The following ZC3H12C variants were observed in gnomAD, a reference collection of about 807,000 sequenced individuals.
ZC3H12C encodes the protein zinc finger CCCH-type containing 12C.
Under a neutral mutation model 76.3 loss-of-function variants are expected in ZC3H12C, and 20 were observed. The ratio of observed to expected loss-of-function variants is 0.26; its 90% CI spans 0.18 to 0.38. The LOEUF (loss-of-function observed/expected upper bound fraction) is 0.38, where lower values mean the gene tolerates loss of function less well. ZC3H12C is among the 10% of genes least tolerant of loss of function. ZC3H12C has a pLI of 1.00. For synonymous variants in ZC3H12C, 352 were observed against 399.6 expected (o/e 0.88, Z 1.42); for missense variants, 874 against 1,086.5 (o/e 0.80, Z 2.75).
chr11:110,114,120 G>T (rs142718279), intron 1 of ZC3H12C, among the ~76,000 whole-genome samples: 3 of 152,242 alleles, frequency 2.0e-5, no homozygotes, highest in African/African-American at 7.2e-5. Context: ...CGCTTCTCCG[G>T]GAGTATTCAT....
chr11:110,146,721 T>G (rs1418595758), intron 2 of ZC3H12C, among the ~76,000 whole-genome samples: 1 of 152,380 alleles, frequency 6.6e-6, no homozygotes, highest in Non-Finnish European at 1.5e-5. Context: ...CACTGCAGTC[T>G]TAAGTTTCTT....
In ZC3H12C at chr11:110,114,166, C is replaced by T. The variant is rs982495058; in HGVS notation, c.21+20734C>T. The stretch of plus-strand genomic sequence containing the variant: ...TCTGTATGTTGTATCATCTCTCACG[C>T]CTCTGGACCTTTGATCCTGTTGTTC... On this transcript the variant is annotated intron_variant, in intron 1 of 5. Coordinates refer to ENST00000278590, the MANE Select transcript of ZC3H12C (RefSeq NM_033390.2). Among the ~76,000 whole-genome samples the T allele has an allele frequency of 2.0e-5, 3 of 152,288 alleles. No individual in the cohort carries two copies. In the East Asian group the frequency reaches 5.8e-4, roughly 29 times the overall value.
chr11:110,119,348 C>T (rs999419221), intron 1 of ZC3H12C, among the ~76,000 whole-genome samples: 60 of 152,054 alleles, frequency 3.9e-4, no homozygotes, highest in African/African-American at 1.3e-3. Flanking sequence ...AACAGCATCA[C>T]CTATGAAATT....
At chr11:110,124,520 T>A (rs977516922) in intron 1 of ZC3H12C, among the ~76,000 whole-genome samples, 11 of 152,200 alleles carry the variant, frequency 7.2e-5, no homozygotes, top group African/African-American at 2.7e-4. Context: ...TACACACTAT[T>A]CATGTTACAG....
At position 110,168,001 on chromosome 11, in the gene ZC3H12C, A is replaced by G. The variant is rs1862611351; in HGVS notation, c.*2264A>G. 1.3e-5 allele frequency: 2 copies of G among 152,174 alleles called. No homozygotes were observed. The highest frequency in any genetic ancestry group is 4.1e-4 in the South Asian group (2 of 4,834). The allele number at this position is 152,174 out of a possible 1,614,324, so 9.4% of individuals were successfully genotyped here. ...TTCTAAGACTTCTTTTTAGTATGAA[A>G]TCACTTTTAAATTATACATGTAGGT... On this transcript the variant is annotated 3_prime_UTR_variant, in exon 6 of 6. Coordinates refer to ENST00000278590, the MANE Select transcript of ZC3H12C (RefSeq NM_033390.2).
At chr11:110,161,993 G>T (rs1862489743) in intron 4 of ZC3H12C, among the ~76,000 whole-genome samples, 1 of 152,172 alleles carries the variant, frequency 6.6e-6, no homozygotes, top group Non-Finnish European at 1.5e-5. Context: ...AATTAGCTGG[G>T]CATAGTGGTG....
intron 2 of ZC3H12C, among the ~76,000 whole-genome samples, chr11:110,144,595 C>G (rs570203924): frequency 6.6e-6 from 1 of 152,180 alleles, no homozygotes; most frequent in East Asian, 1.9e-4. Flanking sequence ...GTGAAAAAGA[C>G]TTTTTAAGAA....
At chr11:110,117,973 ATATATAT>A (rs1861578765) in intron 1 of ZC3H12C, among the ~76,000 whole-genome samples, 1 of 57,202 alleles carries the variant, frequency 1.7e-5, no homozygotes, top group South Asian at 4.7e-4. Context: ...ATACACACAC[ATATATAT>A]TATATATATA....
rs1345126081 is a variant in ZC3H12C at position 110,165,737 on chromosome 11, A to G, written c.2652A>G (p.Ter884TrpextTer9). The G allele has an allele frequency of 6.4e-7, 1 of 1,571,990 alleles. No homozygotes were observed. The highest frequency in any genetic ancestry group is 8.6e-7 in the Non-Finnish European group (1 of 1,157,598). Residue 884 changes from the stop codon to tryptophan, a stop_lost, in exon 6 of 6, where the codon TGA (stop) becomes TGG (tryptophan). Coordinates refer to ENST00000278590, the MANE Select transcript of ZC3H12C (RefSeq NM_033390.2). ...TGGAGAAATCCCAGCTGGGTTATTG[A>G]AAGATGATGCATCTTTGTGGTGTTT... Reference protein sequence around the residue: ...ILVEKSQLGY* With the variant: ...ILVEKSQLGYW
At chr11:110,138,873 G>C (rs1862019246) in intron 2 of ZC3H12C, among the ~76,000 whole-genome samples, 1 of 152,026 alleles carries the variant, frequency 6.6e-6, no homozygotes, top group South Asian at 2.1e-4. Context: ...TTATTCTTTT[G>C]ATTTTAAGTC....
chr11:110,104,153 C>T (rs541252637), intron 1 of ZC3H12C, among the ~76,000 whole-genome samples: 50 of 152,096 alleles, frequency 3.3e-4, no homozygotes, highest in African/African-American at 1.2e-3. Flanking sequence ...GCACAATTTT[C>T]GTGCCTCAAC....
intron 4 of ZC3H12C, among the ~76,000 whole-genome samples, chr11:110,162,856 C>T (rs1862504832): frequency 6.6e-6 from 1 of 152,132 alleles, no homozygotes; most frequent in Non-Finnish European, 1.5e-5. Context: ...TCGTACCTTC[C>T]CATTGTGTTC....
chr11:110,165,020 C>G lies in ZC3H12C; in HGVS notation c.1935C>G (p.Asp645Glu). 1.2e-6 allele frequency: 2 copies of G among 1,613,964 alleles called. No homozygotes were observed. The highest frequency in any genetic ancestry group is 1.7e-6 in the Non-Finnish European group (2 of 1,179,884). Residue 645 changes from aspartate (D) to glutamate (E), a missense_variant, in exon 6 of 6, where the codon GAC becomes GAG. Asp to Glu is a conservative substitution (Grantham distance 45). Transcript: ENST00000278590. ...GTGACTCCTACGTGGGTTACAATGA[C>G]CGGTCCTATGTCAGCTCCCCCGACC... ...GSSDSYVGYNDRSYVSSPDPQ... is the reference protein window; with the variant it reads ...GSSDSYVGYNERSYVSSPDPQ...
intron 1 of ZC3H12C, among the ~76,000 whole-genome samples, chr11:110,133,152 G>A (rs1338480899): frequency 1.3e-5 from 2 of 152,004 alleles, no homozygotes; most frequent in Non-Finnish European, 2.9e-5. Flanking sequence ...TTGTTTTTAG[G>A]TGCCCTATTA....
chr11:110,164,510 G>A lies in ZC3H12C; in HGVS notation c.1425G>A (p.Lys475=), dbSNP rs1207934889. The change falls in exon 6 of 6, where the codon AAG becomes AAA. Residue 475 remains lysine, a synonymous_variant. Transcript: ENST00000278590. The surrounding 1 kb of genome is among the most constrained non-coding windows in gnomAD (Gnocchi z 5.7). ...VKSNSVPCST[K]ADSTSDVKRG... is the part of the protein sequence containing the mutation. ...GCAACAGTGTTCCTTGTAGCACCAA[G>A]GCTGATAGCACTTCTGATGTCAAAC... 6.2e-7 allele frequency: 1 copy of A among 1,613,982 alleles called. No homozygotes were observed. The highest frequency in any genetic ancestry group is 1.7e-5 in the Admixed American group (1 of 60,026).
intron 2 of ZC3H12C, among the ~76,000 whole-genome samples, chr11:110,145,322 CA>C (rs780072976): frequency 8.5e-5 from 13 of 152,104 alleles, no homozygotes; most frequent in Non-Finnish European, 1.5e-4. Context: ...AGCTATGAGA[CA>C]AAGTGAATTT....
At chr11:110,135,749 C>T (rs1477093986) in intron 1 of ZC3H12C, 1 of 151,520 alleles carries the variant, frequency 6.6e-6, no homozygotes, top group African/African-American at 2.4e-5. Context: ...TGACATAATA[C>T]AGGAGGATTT....
intron 1 of ZC3H12C, among the ~76,000 whole-genome samples, chr11:110,102,145 T>G (rs1861228114): frequency 6.6e-6 from 1 of 151,340 alleles, no homozygotes; most frequent in African/African-American, 2.4e-5. Context: ...TTGCAAGTCT[T>G]ATTATTTAAG....
chr11:110,128,615 T>A (rs1475841515), intron 1 of ZC3H12C, among the ~76,000 whole-genome samples: 1 of 152,206 alleles, frequency 6.6e-6, no homozygotes, highest in African/African-American at 2.4e-5. Flanking sequence ...TTCCTTGATA[T>A]ACACAAAAGA....
Sources: gnomAD v4.1 joint callset for allele counts (sites outside exome capture counted in the v4.1 genomes callset) on GRCh38, gnomAD v4.1.1 for gene constraint, Gnocchi (gnomAD v3.1) non-coding constraint, MANE v1.5 for transcripts, NCBI Gene and HGNC (gene_info 2026-07-23, HGNC 2026-07-21) for gene names.